Variants in LRRC20 observed in about 807,000 individuals in gnomAD.
LRRC20 encodes leucine-rich repeat-containing protein 20.
A neutral mutation model predicts 14.4 loss-of-function variants in LRRC20; 11 were observed. The observed-to-expected ratio is 0.77, with a 90% CI of 0.48 to 1.27. The LOEUF (loss-of-function observed/expected upper bound fraction) is 1.27. LRRC20 is among the 50% of genes most tolerant of loss of function. LRRC20 has a pLI of 0.00. For missense variants in LRRC20, 219 were observed against 251.2 expected (o/e 0.87, Z 0.87); for synonymous variants, 121 against 107.3 (o/e 1.13, Z -0.79).
intron 2 of LRRC20, among the ~76,000 whole-genome samples, chr10:70,368,731 T>G (rs776605781): frequency 1.3e-5 from 2 of 151,906 alleles, no homozygotes; most frequent in African/African-American, 2.4e-5. Context: ...CAAGCAATTC[T>G]CCTGCCTCAG....
At chr10:70,341,998 T>C (rs2137024504) in intron 2 of LRRC20, among the ~76,000 whole-genome samples, 1 of 151,582 alleles carries the variant, frequency 6.6e-6, no homozygotes, top group East Asian at 2.0e-4. Context: ...GTAGGGGTAA[T>C]AAAAATGTTC....
chr10:70,331,688 A>T (rs188459120), intron 3 of LRRC20, among the ~76,000 whole-genome samples: 1 of 152,264 alleles, frequency 6.6e-6, no homozygotes, highest in Non-Finnish European at 1.5e-5. Context: ...CAGGGTTCAG[A>T]GTGGAACAAC....
intron 1 of LRRC20, among the ~76,000 whole-genome samples, chr10:70,380,577 G>A (rs1207194995): frequency 1.3e-5 from 2 of 152,230 alleles, no homozygotes; most frequent in African/African-American, 2.4e-5. Context: ...GGGCACCCCA[G>A]CCAGCTGGCA....
chr10:70,379,998 G>C (rs1844649020), intron 1 of LRRC20, among the ~76,000 whole-genome samples: 1 of 152,220 alleles, frequency 6.6e-6, no homozygotes, highest in African/African-American at 2.4e-5. Flanking sequence ...ACAGGACGCA[G>C]AGTTCAGGCG....
chr10:70,311,338 C>T (rs1358930849), intron 4 of LRRC20, among the ~76,000 whole-genome samples: 2 of 150,420 alleles, frequency 1.3e-5, no homozygotes, highest in Non-Finnish European at 2.9e-5. Context: ...AAGTGATTCT[C>T]CTGCCTCAGC....
At chr10:70,315,760 G>A (rs145064355) in intron 4 of LRRC20, among the ~76,000 whole-genome samples, 3 of 152,224 alleles carry the variant, frequency 2.0e-5, no homozygotes, top group East Asian at 3.9e-4. Context: ...TGATCTCCAC[G>A]CTTCAGCCCA....
At chr10:70,356,414 G>A (rs1843522320) in intron 2 of LRRC20, among the ~76,000 whole-genome samples, 1 of 152,162 alleles carries the variant, frequency 6.6e-6, no homozygotes. Context: ...TACTTGGGAG[G>A]CTGTGGTGGG....
At position 70,299,997 on chromosome 10, in the gene LRRC20, TAGG is replaced by T. The variant is rs1162113752; in HGVS notation, c.*1354_*1356del. Reference sequence around the variant, plus strand: ...GTCTGAGCTCTCAACATCTTAGCCTTAGGAGTAGTAAAGTGGCCACTCGTCCAC... The same window carrying T: ...GTCTGAGCTCTCAACATCTTAGCCTTAGTAGTAAAGTGGCCACTCGTCCAC... On this transcript the variant is annotated 3_prime_UTR_variant, in exon 5 of 5. Coordinates refer to ENST00000446961, the MANE Select transcript of LRRC20 (RefSeq NM_001278212.2). 1 of 152,158 alleles carries T rather than the reference TAGG, an allele frequency of 6.6e-6. No homozygotes were observed. The highest frequency in any genetic ancestry group is 2.4e-5 in the African/African-American group (1 of 41,408). The allele number at this position is 152,158 out of a possible 1,614,324, so 9.4% of individuals were successfully genotyped here.
rs538707035 is a variant in LRRC20 at position 70,368,918 on chromosome 10, C to T, written c.82+7534G>A. ...GATTACAGGTGTGAGCTACCGTGCC[C>T]GGCCTGAATCTGCATTTTTAACCAG... is the stretch of plus-strand genomic sequence containing the variant. On this transcript the variant is annotated intron_variant, in intron 2 of 4. Transcript: ENST00000446961. 5.3e-5 allele frequency among the ~76,000 whole-genome samples: 8 copies of T among 152,152 alleles called. No homozygotes were observed. In the South Asian group the frequency reaches 8.3e-4, roughly 16 times the overall value.
At chr10:70,308,672 G>A (rs1021826888) in intron 4 of LRRC20, among the ~76,000 whole-genome samples, 3 of 152,220 alleles carry the variant, frequency 2.0e-5, no homozygotes, top group Admixed American at 6.5e-5. Context: ...TGTGACAGGC[G>A]AGCGAGCCAG....
chr10:70,337,308 C>T (rs1477131933), intron 3 of LRRC20, among the ~76,000 whole-genome samples: 1 of 152,238 alleles, frequency 6.6e-6, no homozygotes, highest in Non-Finnish European at 1.5e-5. Flanking sequence ...GGCTCAGGCC[C>T]AGAGCCATCT....
intron 4 of LRRC20, among the ~76,000 whole-genome samples, chr10:70,320,952 T>G (rs1177767957): frequency 1.3e-5 from 2 of 152,192 alleles, no homozygotes; most frequent in Admixed American, 1.3e-4. Context: ...ATGACTGAGT[T>G]GATCCTGGCA....
At chr10:70,308,656 G>A (rs1406449100) in intron 4 of LRRC20, among the ~76,000 whole-genome samples, 1 of 152,004 alleles carries the variant, frequency 6.6e-6, no homozygotes, top group Non-Finnish European at 1.5e-5. Context: ...CCTGGAGCAG[G>A]AACCATGTGA....
chr10:70,381,410 C>T (rs550456843), intron 1 of LRRC20: 1 of 152,384 alleles, frequency 6.6e-6, no homozygotes, highest in Non-Finnish European at 1.5e-5. Flanking sequence ...CCTGGTTTCA[C>T]CTGGACTCAG....
At chr10:70,323,416 T>G (rs898519483) in intron 4 of LRRC20, among the ~76,000 whole-genome samples, 3 of 152,092 alleles carry the variant, frequency 2.0e-5, no homozygotes, top group African/African-American at 7.2e-5. Flanking sequence ...AGCGTGTTTG[T>G]TCTGGAAGGC....
At chr10:70,372,636 GT>G (rs1435897947) in intron 2 of LRRC20, among the ~76,000 whole-genome samples, 22 of 151,670 alleles carry the variant, frequency 1.5e-4, no homozygotes, top group Non-Finnish European at 2.5e-4. Flanking sequence ...TAGAGATGGG[GT>G]TTCACCATGT....
intron 2 of LRRC20, among the ~76,000 whole-genome samples, chr10:70,372,940 T>TA (rs11356425): frequency 0.18 from 24,049 of 137,310 alleles, 2,146 homozygotes; most frequent in South Asian, 0.29. Flanking sequence ...CCATCTCTAC[T>TA]AAAAAAAAAA....
chr10:70,326,722 G>T (rs1198655794), intron 3 of LRRC20, among the ~76,000 whole-genome samples: 2 of 151,730 alleles, frequency 1.3e-5, no homozygotes, highest in African/African-American at 4.8e-5. Flanking sequence ...GTGTGATCTC[G>T]GCTCACTGCA....
intron 4 of LRRC20, among the ~76,000 whole-genome samples, chr10:70,323,533 C>T (rs1252277194): frequency 5.3e-5 from 8 of 152,138 alleles, no homozygotes; most frequent in Non-Finnish European, 1.2e-4. Context: ...CACAGAGGGC[C>T]AGAGCCGAAG....
Sources: allele counts gnomAD v4.1 joint callset (sites outside exome capture counted in the v4.1 genomes callset), GRCh38; gene constraint gnomAD v4.1.1; transcripts MANE v1.5; gene names NCBI Gene and HGNC (gene_info 2026-07-23, HGNC 2026-07-21).